RASSF1: variants seen among roughly 807,000 people sequenced by gnomAD.
RASSF1 encodes Ras association domain family member 1.
A neutral mutation model predicts 34.3 loss-of-function variants in RASSF1; 33 were observed. The observed-to-expected ratio is 0.96, with a 90% confidence interval of 0.73 to 1.29. The LOEUF (loss-of-function observed/expected upper bound fraction) is 1.29. RASSF1 is among the 50% of genes most tolerant of loss of function. RASSF1 has a pLI of 0.00. For synonymous variants in RASSF1, 191 were observed against 195.0 expected (o/e 0.98, Z 0.17); for missense variants, 445 against 471.8 (o/e 0.94, Z 0.53).
chr3:50,331,879 C>A (rs1702959014), intron 3 of RASSF1, 23 bp from the exon 4 acceptor site: 1 of 1,547,820 alleles, frequency 6.5e-7, no homozygotes, highest in Non-Finnish European at 8.7e-7. Context: ...AGAAACCAAA[C>A]CTTGATAATA....
At position 50,330,447 on chromosome 3, in the gene RASSF1, C is replaced by T. The variant is rs1377076545; in HGVS notation, c.*134G>A. ...ACAGGGAGCAAGCTACTTCGCTGTT[C>T]TCTGGGCTCATTCCCCCAGCACAGG... On this transcript the variant is annotated 3_prime_UTR_variant, in exon 6 of 6. Transcript: ENST00000359365. This position sits in a 1 kb window ranked among gnomAD's most constrained non-coding sequence, Gnocchi z 4.5. The T allele has an allele frequency of 1.5e-6, 2 of 1,292,766 alleles. No homozygotes were observed. Among genetic ancestry groups the T allele is most frequent in the Admixed American group, 2.1e-5 (1 of 48,484 alleles). The allele number at this position is 1,292,766 out of a possible 1,614,324, so 80.1% of individuals were successfully genotyped here. A position where few individuals can be genotyped will look rare whatever the true frequency, so the allele number is the denominator to read the frequency against.
At chr3:50,338,063 C>T (rs952840010) in intron 1 of RASSF1, 52 bp from the exon 2 acceptor site, 1 of 1,541,292 alleles carries the variant, frequency 6.5e-7, no homozygotes. Context: ...GGGGAAATGT[C>T]CCGGAGATTG....
chr3:50,340,064 C>G (rs1703305736), intron 1 of RASSF1, among the ~76,000 whole-genome samples: 1 of 152,200 alleles, frequency 6.6e-6, no homozygotes, highest in African/African-American at 2.4e-5. Flanking sequence ...ATTTTAGCAT[C>G]TGATTCACTG....
intron 2 of RASSF1, chr3:50,337,611 A>G (rs1168518292): frequency 1.7e-6 from 2 of 1,167,574 alleles, no homozygotes; most frequent in Non-Finnish European, 1.2e-6. Context: ...GCGTCCGGGC[A>G]AGCGCACAAG....
At chr3:50,337,180 C>T in intron 2 of RASSF1, 2 of 1,610,672 alleles carry the variant, frequency 1.2e-6, no homozygotes, top group East Asian at 2.2e-5. Context: ...CACCTGGTCC[C>T]GGCGCGGCCT....
At position 50,331,347 on chromosome 3, in the gene RASSF1, G is replaced by C; in HGVS notation, c.863C>G (p.Ser288Cys). 3.1e-6 allele frequency: 5 copies of C among 1,595,318 alleles called. No homozygotes were observed. Among genetic ancestry groups the C allele is most frequent in the Middle Eastern group, 3.4e-4 (2 of 5,962 alleles). Residue 288 changes from serine to cysteine, a missense_variant, in exon 5 of 6, where the codon TCT (serine) becomes TGT (cysteine). Coordinates refer to ENST00000359365, the MANE Select transcript of RASSF1 (RefSeq NM_007182.5). ...ALSFVLKEND[S>C]GEVNWDAFSM... is the part of the protein sequence containing the mutation. ...CTATGTACTCACGTTCACCTCCCCA[G>C]AGTCATTTTCCTTCAGGACAAAGCT...
intron 2 of RASSF1, 131 bp downstream of exon 2, chr3:50,337,774 C>T: frequency 9.7e-7 from 1 of 1,031,916 alleles, no homozygotes; most frequent in Non-Finnish European, 1.4e-6. Context: ...GCAGAATTAG[C>T]CTCTCTGTGC....
chr3:50,332,889 G>GT (rs1426002230), intron 2 of RASSF1, among the ~76,000 whole-genome samples: 3 of 152,160 alleles, frequency 2.0e-5, no homozygotes, highest in African/African-American at 4.8e-5. Context: ...GAGGTCAGGA[G>GT]TTTGAGACCA....
chr3:50,335,501 T>C lies in RASSF1; in HGVS notation c.357+2404A>G, dbSNP rs141887252. Among the ~76,000 whole-genome samples the C allele has an allele frequency of 4.7e-3, 716 of 152,080 alleles. 3 individuals are homozygous for C. Among genetic ancestry groups the C allele is most frequent in the Non-Finnish European group, 7.5e-3 (511 of 67,970 alleles). On this transcript the variant is annotated intron_variant, in intron 2 of 5. Coordinates refer to ENST00000359365, the MANE Select transcript of RASSF1 (RefSeq NM_007182.5). ...CCAGATAATTTTTTTGTATTTTCAG[T>C]ACAGACGGGGTTTTGCTATGTTGGC...
rs587770796 is a variant in RASSF1 at position 50,337,254 on chromosome 3, G to A, written c.357+651C>T. 6.8e-6 allele frequency: 11 copies of A among 1,613,060 alleles called. 1 individual carries two copies. The South Asian group carries it at 1.1e-4, about 16-fold the overall frequency. ...GCTCCGAGTCCGAGTCCTCTTGGCTGCAGTAGCCACTGCTCGTCGTGCTGC... is the reference window on the plus strand; with the variant it reads ...GCTCCGAGTCCGAGTCCTCTTGGCTACAGTAGCCACTGCTCGTCGTGCTGC... On this transcript the variant is annotated intron_variant, in intron 2 of 5. Coordinates refer to ENST00000359365, the MANE Select transcript of RASSF1 (RefSeq NM_007182.5).
Position 50,330,624 on chromosome 3 carries a change from C to A in RASSF1, c.980G>T (p.Arg327Leu), listed in dbSNP as rs587623233. 3.7e-6 allele frequency: 6 copies of A among 1,614,122 alleles called. No individual in the cohort carries two copies. In the South Asian group the frequency reaches 5.5e-5, roughly 15 times the overall value. Reference protein sequence around the residue: ...RQILQKYSYCRQKIQEALHAC... With the variant: ...RQILQKYSYCLQKIQEALHAC... ...GTGCAGGGCCTCTTGGATCTTCTGGCGGCAATAGGAGTACTTCTGCAGGAT... is the reference window on the plus strand; with the variant it reads ...GTGCAGGGCCTCTTGGATCTTCTGGAGGCAATAGGAGTACTTCTGCAGGAT... Residue 327 changes from arginine to leucine, a missense_variant, in exon 6 of 6, where the codon CGC becomes CTC. Arg to Leu is a moderately radical substitution (Grantham distance 102). Transcript: ENST00000359365. This position sits in a 1 kb window ranked among gnomAD's most constrained non-coding sequence, Gnocchi z 4.5.
Position 50,330,799 on chromosome 3 carries a change from G to A in RASSF1, c.877-72C>T. 1 of 1,500,238 alleles carries A rather than the reference G, an allele frequency of 6.7e-7. No homozygotes were observed. The highest frequency in any genetic ancestry group is 9.1e-7 in the Non-Finnish European group (1 of 1,095,520). 92.9% of individuals were successfully genotyped at this position (1,500,238 alleles called of 1,614,324 possible). On this transcript the variant is annotated intron_variant, in intron 5 of 5. Coordinates refer to ENST00000359365, the MANE Select transcript of RASSF1 (RefSeq NM_007182.5). The surrounding 1 kb of genome is among the most constrained non-coding windows in gnomAD (Gnocchi z 4.5). ...AAGCCAGCAGACCCTCCCCAGAGAA[G>A]ACTAGCACCTCATGTTCACACAAGC... is the stretch of plus-strand genomic sequence containing the variant.
At chr3:50,337,648 G>T (rs1488019090) in intron 2 of RASSF1, 15 of 915,198 alleles carry the variant, frequency 1.6e-5, no homozygotes, top group Middle Eastern at 4.6e-4. Context: ...AGGCGAGGGC[G>T]GGAAGGTGCG....
Position 50,333,776 on chromosome 3 carries a change from G to A in RASSF1, c.358-1622C>T, listed in dbSNP as rs183502725. 6.7e-3 allele frequency among the ~76,000 whole-genome samples: 1,018 copies of A among 152,138 alleles called. 19 individuals are homozygous for A. Among genetic ancestry groups the A allele is most frequent in the Non-Finnish European group, 7.2e-3 (488 of 67,996 alleles). Reference sequence around the variant, plus strand: ...ATTACAGGCGTGAACCATCGTACCCGACCCAGAGATTTTTAACTCGACCAC... The same window carrying A: ...ATTACAGGCGTGAACCATCGTACCCAACCCAGAGATTTTTAACTCGACCAC... On this transcript the variant is annotated intron_variant, in intron 2 of 5. Coordinates refer to ENST00000359365, the MANE Select transcript of RASSF1 (RefSeq NM_007182.5).
chr3:50,331,644 G>A lies in RASSF1; in HGVS notation c.675C>T (p.Val225=), dbSNP rs587702622. The A allele has an allele frequency of 2.4e-5, 38 of 1,610,314 alleles. 1 individual carries two copies. In the South Asian group the frequency reaches 4.1e-4, roughly 17 times the overall value. ...AGAACTTTCGCAGCAGGGCCTCAAT[G>A]ACTTCACGTGCCCTTGTGCGTGACA... ...HVLSRTRARE[V]IEALLRKFLV... is the part of the protein sequence containing the mutation. The change falls in exon 4 of 6, where the codon GTC becomes GTT. Residue 225 remains valine, a synonymous_variant. Transcript: ENST00000359365.
intron 2 of RASSF1, chr3:50,336,944 C>T: frequency 1.7e-6 from 1 of 597,672 alleles, no homozygotes; most frequent in Non-Finnish European, 2.9e-6. Context: ...TTTCCGTGTT[C>T]AACCTGTCTG....
At position 50,337,942 on chromosome 3, in the gene RASSF1, A is replaced by G. The variant is rs774135288; in HGVS notation, c.320T>C (p.Leu107Pro). The change falls in exon 2 of 6, where the codon CTG becomes CCG. Residue 107 changes from leucine (L) to proline (P), a missense_variant. Transcript: ENST00000359365. The stretch of plus-strand genomic sequence containing the variant: ...CCGCTCCACCGCGGGTTCCCAGCCC[A>G]GGTCCCGGGGCCCGCAACAGTCCAG... ...VCLDCCGPRD[L>P]GWEPAVERDT... The G allele has an allele frequency of 6.2e-7, 1 of 1,612,032 alleles. No homozygotes were observed. Among genetic ancestry groups the G allele is most frequent in the East Asian group, 2.2e-5 (1 of 44,836 alleles).
At chr3:50,331,198 T>C in intron 5 of RASSF1, 136 bp downstream of exon 5, 1 of 681,292 alleles carries the variant, frequency 1.5e-6, no homozygotes, top group Non-Finnish European at 2.3e-6. Context: ...TTTGCTTTAG[T>C]TACAATGCCT....
At chr3:50,332,176 A>G (rs777093745) in intron 2 of RASSF1, 22 bp from the exon 3 acceptor site, 2 of 1,608,456 alleles carry the variant, frequency 1.2e-6, no homozygotes, top group East Asian at 4.5e-5. Context: ...GCCAGCATGG[A>G]CACAGGGCCC....
Sources: gnomAD v4.1 joint callset for allele counts (sites outside exome capture counted in the v4.1 genomes callset) on GRCh38, gnomAD v4.1.1 for gene constraint, Gnocchi (gnomAD v3.1) non-coding constraint, MANE v1.5 for transcripts, NCBI Gene and HGNC (gene_info 2026-07-23, HGNC 2026-07-21) for gene names.